Variants in ZSWIM6 observed in about 807,000 individuals in gnomAD.
ZSWIM6 encodes the protein zinc finger SWIM domain-containing protein 6.
ZSWIM6 carries 9 observed loss-of-function variants against 113.2 expected under a neutral mutation model. The ratio of observed to expected loss-of-function variants is 0.08; its 90% CI spans 0.05 to 0.14. ZSWIM6 has a LOEUF of 0.14. ZSWIM6 is among the 10% of genes least tolerant of loss of function. The probability of loss-of-function intolerance (pLI) is 1.00; values close to 1 mark genes in which losing one functional copy is unlikely to be tolerated. For missense variants in ZSWIM6, 1,162 were observed against 1,552.2 expected (o/e 0.75, Z 4.22); for synonymous variants, 611 against 606.5 (o/e 1.01, Z -0.11).
At chr5:61,337,861 A>G (rs1458106891) in intron 1 of ZSWIM6, among the ~76,000 whole-genome samples, 1 of 152,070 alleles carries the variant, frequency 6.6e-6, no homozygotes, top group African/African-American at 2.4e-5. Context: ...TACCTATTTT[A>G]TGGTTGGGTT....
intron 4 of ZSWIM6, among the ~76,000 whole-genome samples, chr5:61,509,008 A>G (rs1748704476): frequency 6.6e-6 from 1 of 152,182 alleles, no homozygotes; most frequent in South Asian, 2.1e-4. Flanking sequence ...TATAAGTCTA[A>G]CAACACTTCA....
intron 2 of ZSWIM6, among the ~76,000 whole-genome samples, chr5:61,487,753 T>C (rs1748059586): frequency 6.6e-6 from 1 of 152,142 alleles, no homozygotes; most frequent in Non-Finnish European, 1.5e-5. Flanking sequence ...ACTGAATTCG[T>C]TTATCAAATT....
chr5:61,397,402 A>G (rs935905231), intron 1 of ZSWIM6, among the ~76,000 whole-genome samples: 26 of 152,202 alleles, frequency 1.7e-4, no homozygotes, highest in African/African-American at 6.3e-4. Context: ...GGGGGTGGCA[A>G]TCATGACTAT....
intron 1 of ZSWIM6, chr5:61,391,865 G>T: frequency 1.5e-6 from 1 of 672,800 alleles, no homozygotes; most frequent in South Asian, 1.8e-5. Flanking sequence ...AACCTTCTGT[G>T]AGACATCATG....
intron 2 of ZSWIM6, among the ~76,000 whole-genome samples, chr5:61,483,799 C>T (rs1561256942): frequency 6.6e-6 from 1 of 151,416 alleles, no homozygotes; most frequent in Non-Finnish European, 1.5e-5. Flanking sequence ...ATAGCATGAA[C>T]CCAGGAGGCA....
chr5:61,534,492 T>C (rs1749522827), intron 9 of ZSWIM6, among the ~76,000 whole-genome samples: 1 of 152,188 alleles, frequency 6.6e-6, no homozygotes, highest in Admixed American at 6.5e-5. Context: ...GTTTTTCTCA[T>C]GGAAAACAAA....
At chr5:61,403,092 C>T (rs918991009) in intron 1 of ZSWIM6, among the ~76,000 whole-genome samples, 3 of 152,190 alleles carry the variant, frequency 2.0e-5, no homozygotes, top group African/African-American at 7.2e-5. Context: ...AAGTGGATGT[C>T]ACTTGCCAAG....
chr5:61,447,533 G>C (rs1053336546), intron 1 of ZSWIM6, among the ~76,000 whole-genome samples: 6 of 152,150 alleles, frequency 3.9e-5, no homozygotes, highest in African/African-American at 1.4e-4. Flanking sequence ...ATAGATGTCA[G>C]ATTTCAAAGG....
chr5:61,514,529 G>A (rs1748880042), intron 4 of ZSWIM6, among the ~76,000 whole-genome samples: 2 of 151,970 alleles, frequency 1.3e-5, no homozygotes, highest in Admixed American at 1.3e-4. Flanking sequence ...CCCTTTATCA[G>A]GTTAAGGAAG....
chr5:61,428,538 A>AG (rs1424609102), intron 1 of ZSWIM6, among the ~76,000 whole-genome samples: 1 of 100,066 alleles, frequency 1.0e-5, no homozygotes, highest in Non-Finnish European at 1.9e-5. Flanking sequence ...AACTTAAAAC[A>AG]ATTTTTTTTT....
chr5:61,339,012 G>T (rs1031028761), intron 1 of ZSWIM6, among the ~76,000 whole-genome samples: 1 of 152,052 alleles, frequency 6.6e-6, no homozygotes, highest in Non-Finnish European at 1.5e-5. Context: ...CACAAAAATG[G>T]ATAATCAATT....
intron 1 of ZSWIM6, among the ~76,000 whole-genome samples, chr5:61,429,521 G>A (rs137949658): frequency 9.1e-4 from 139 of 152,286 alleles, no homozygotes; most frequent in African/African-American, 3.0e-3. Flanking sequence ...AGGTTTTGGC[G>A]GAAGATAAAT....
intron 4 of ZSWIM6, among the ~76,000 whole-genome samples, chr5:61,507,488 C>G (rs60366652): frequency 6.6e-6 from 1 of 152,188 alleles, no homozygotes; most frequent in African/African-American, 2.4e-5. Context: ...TGACTTAACT[C>G]TAACAGAGCC....
At chr5:61,448,698 C>T (rs562652237) in intron 1 of ZSWIM6, among the ~76,000 whole-genome samples, 2 of 152,012 alleles carry the variant, frequency 1.3e-5, no homozygotes, top group Non-Finnish European at 2.9e-5. Flanking sequence ...AGTGTCAGTA[C>T]AATAAACACA....
At chr5:61,406,582 A>G (rs1305024312) in intron 1 of ZSWIM6, among the ~76,000 whole-genome samples, 2 of 152,176 alleles carry the variant, frequency 1.3e-5, no homozygotes, top group South Asian at 2.1e-4. Context: ...TCTGAAGACT[A>G]AAATCTGTCA....
intron 2 of ZSWIM6, among the ~76,000 whole-genome samples, chr5:61,477,134 C>T (rs921595404): frequency 3.9e-5 from 6 of 152,228 alleles, no homozygotes; most frequent in Admixed American, 2.6e-4. Flanking sequence ...TACGGCTTTT[C>T]GTACACTAAT....
chr5:61,502,822 C>G (rs186033249), intron 4 of ZSWIM6, among the ~76,000 whole-genome samples: 1 of 152,106 alleles, frequency 6.6e-6, no homozygotes, highest in Admixed American at 6.5e-5. Context: ...ATCGAGGTTG[C>G]GTGCTCCTTA....
chr5:61,457,345 G>T (rs1747223521), intron 1 of ZSWIM6, among the ~76,000 whole-genome samples: 1 of 152,122 alleles, frequency 6.6e-6, no homozygotes, highest in Non-Finnish European at 1.5e-5. Flanking sequence ...AAATTCTGGA[G>T]CCTGAAAACT....
intron 1 of ZSWIM6, among the ~76,000 whole-genome samples, chr5:61,354,989 A>C (rs1350547612): frequency 6.6e-6 from 1 of 152,204 alleles, no homozygotes; most frequent in Non-Finnish European, 1.5e-5. Flanking sequence ...CATTTTACAG[A>C]TCATGAGTAA....
Sources: allele counts gnomAD v4.1 joint callset (sites outside exome capture counted in the v4.1 genomes callset), GRCh38; gene constraint gnomAD v4.1.1; transcripts MANE v1.5; gene names NCBI Gene and HGNC (gene_info 2026-07-23, HGNC 2026-07-21).